The following SULT4A1 variants were observed in gnomAD, a reference collection of about 807,000 sequenced individuals.
The protein encoded by SULT4A1 is sulfotransferase 4A1.
SULT4A1 carries 11 observed loss-of-function variants against 35.2 expected under a neutral mutation model. That is an observed-to-expected ratio of 0.31 (90% CI 0.20 to 0.52). The LOEUF (loss-of-function observed/expected upper bound fraction) is 0.52, where lower values mean the gene tolerates loss of function less well. Ranked by LOEUF, SULT4A1 falls within the 20% of genes least tolerant of loss-of-function variation. SULT4A1 has a pLI of 0.97. For missense variants in SULT4A1, 271 were observed against 383.7 expected (o/e 0.71, Z 2.45); for synonymous variants, 152 against 151.8 (o/e 1.00, Z -0.01).
In SULT4A1 at chr22:43,828,954, G is replaced by A. The variant is rs148379838; in HGVS notation, c.742+106C>T. ...CCAGCTACAGACTGCTGTAAAAGGA[G>A]AGCAGGGAGGGCAACAGGGACCGGA... is the stretch of plus-strand genomic sequence containing the variant. On this transcript the variant is annotated intron_variant, in intron 6 of 6. Coordinates refer to ENST00000330884, the MANE Select transcript of SULT4A1 (RefSeq NM_014351.4). 239 of 1,275,232 alleles carry A rather than the reference G, an allele frequency of 1.9e-4. 2 individuals carry two copies. In the East Asian group the frequency reaches 5.8e-3, roughly 31 times the overall value. The allele number at this position is 1,275,232 out of a possible 1,614,324, so 79.0% of individuals were successfully genotyped here. A position where few individuals can be genotyped will look rare whatever the true frequency, so the allele number is the denominator to read the frequency against.
rs371696274 is a variant in SULT4A1, at chr22:43,829,121, C to T, written c.681G>A (p.Thr227=). The T allele has an allele frequency of 2.3e-5, 36 of 1,557,026 alleles. No homozygotes were observed. In the Middle Eastern group the frequency reaches 1.5e-3, roughly 65 times the overall value. The change falls in exon 6 of 7, where the codon ACG becomes ACA. Residue 227 remains threonine, a synonymous_variant. Coordinates refer to ENST00000330884, the MANE Select transcript of SULT4A1 (RefSeq NM_014351.4). ...SCDKAQLEAL[T]EHCHQLVDQC... ...GGTCCACCAGCTGGTGGCAGTGCTC[C>T]GTCAGGGCTTCCAGCTGGGCCTTGT...
intron 6 of SULT4A1, chr22:43,827,496 G>C (rs954866362): frequency 3.8e-6 from 5 of 1,322,952 alleles, no homozygotes; most frequent in Non-Finnish European, 3.0e-6. Context: ...CTGAGAGCTC[G>C]TCAGAGGAGT....
At chr22:43,840,083 G>C in intron 2 of SULT4A1, 58 bp from the exon 3 acceptor site, 20 of 1,390,586 alleles carry the variant, frequency 1.4e-5, no homozygotes, top group Non-Finnish European at 2.0e-5. Flanking sequence ...AAGGGGAGGA[G>C]TGGGGCCAAG....
rs750998124 is a variant in SULT4A1 at position 43,862,384 on chromosome 22, C to CCGCCGCCGTCGCCGT, written c.-17_-3dup. The CCGCCGCCGTCGCCGT allele has an allele frequency of 1.5e-6, 2 of 1,316,706 alleles. No homozygotes were observed. Among genetic ancestry groups the CCGCCGCCGTCGCCGT allele is most frequent in the African/African-American group, 1.5e-5 (1 of 65,468 alleles). The allele number at this position is 1,316,706 out of a possible 1,614,324, so 81.6% of individuals were successfully genotyped here. On this transcript the variant is annotated 5_prime_UTR_variant, in exon 1 of 7. Transcript: ENST00000330884. ...GGTCTCGGCCTCGCTCTCCGCCATG[C>CCGCCGCCGTCGCCGT]CGCCGCCGTCGCCGTCGCCGCCGCC...
chr22:43,862,425 G>C lies in SULT4A1; in HGVS notation c.-43C>G. The stretch of plus-strand genomic sequence containing the variant: ...CGCCGCCGCCGCCTCCCGGCTCGCA[G>C]CCCGCACGCGCCCGCGCCCGCGCCC... On this transcript the variant is annotated 5_prime_UTR_variant, in exon 1 of 7. Coordinates refer to ENST00000330884, the MANE Select transcript of SULT4A1 (RefSeq NM_014351.4). 1.1e-6 allele frequency: 1 copy of C among 940,706 alleles called. No individual in the cohort carries two copies. Among genetic ancestry groups the C allele is most frequent in the East Asian group, 1.7e-4 (1 of 5,812 alleles). The allele number at this position is 940,706 out of a possible 1,614,324, so 58.3% of individuals were successfully genotyped here. A position where few individuals can be genotyped will look rare whatever the true frequency, so the allele number is the denominator to read the frequency against.
At chr22:43,833,332 T>A (rs533665202) in intron 5 of SULT4A1, among the ~76,000 whole-genome samples, 1 of 152,092 alleles carries the variant, frequency 6.6e-6, no homozygotes, top group East Asian at 1.9e-4. Context: ...CAACGTCCCA[T>A]CAACCACCAC....
At chr22:43,854,970 C>T (rs1344366243) in intron 1 of SULT4A1, among the ~76,000 whole-genome samples, 1 of 152,214 alleles carries the variant, frequency 6.6e-6, no homozygotes, top group Non-Finnish European at 1.5e-5. Flanking sequence ...GAAACCAGCT[C>T]GGCTGCCTCC....
chr22:43,833,529 C>T (rs1603404612), intron 5 of SULT4A1, 111 bp downstream of exon 5: 1 of 818,384 alleles, frequency 1.2e-6, no homozygotes, highest in East Asian at 2.7e-5. Flanking sequence ...TCTGTCCCTC[C>T]TCAGACCCCT....
chr22:43,862,440 C>CGCCCGT lies in SULT4A1; in HGVS notation c.-59_-58insACGGGC. ...CCGGCTCGCAGCCCGCACGCGCCCG[C>CGCCCGT]GCCCGCGCCCGCGCCCGCGCCCCGC... is the stretch of plus-strand genomic sequence containing the variant. On this transcript the variant is annotated 5_prime_UTR_variant, in exon 1 of 7. Coordinates refer to ENST00000330884, the MANE Select transcript of SULT4A1 (RefSeq NM_014351.4). 1.1e-6 allele frequency: 1 copy of CGCCCGT among 944,016 alleles called. No individual in the cohort carries two copies. The highest frequency in any genetic ancestry group is 1.3e-6 in the Non-Finnish European group (1 of 799,962). The allele number at this position is 944,016 out of a possible 1,614,324, so 58.5% of individuals were successfully genotyped here. A position where few individuals can be genotyped will look rare whatever the true frequency, so the allele number is the denominator to read the frequency against.
intron 5 of SULT4A1, among the ~76,000 whole-genome samples, chr22:43,830,659 C>A (rs1004517199): frequency 9.9e-5 from 15 of 152,242 alleles, no homozygotes; most frequent in African/African-American, 3.1e-4. Context: ...GCAGTCAGGG[C>A]ACCCCGTGAC....
rs970232682 is a variant in SULT4A1 at position 43,826,602 on chromosome 22, T to C, written c.743-489A>G. 1.9e-5 allele frequency: 19 copies of C among 985,260 alleles called. No homozygotes were observed. In the African/African-American group the frequency reaches 2.3e-4, roughly 12 times the overall value. The allele number at this position is 985,260 out of a possible 1,614,324, so 61.0% of individuals were successfully genotyped here. A position where few individuals can be genotyped will look rare whatever the true frequency, so the allele number is the denominator to read the frequency against. On this transcript the variant is annotated intron_variant, in intron 6 of 6. Transcript: ENST00000330884. ...GCTCAACAGTGCCACCAAGGCGTCA[T>C]TGGCTTCGGGAGAATTTGAAAAGGA...
In SULT4A1 at chr22:43,825,729, T is replaced by C. The variant is rs2063282311; in HGVS notation, c.*272A>G. ...AGGCAGACATTCTAGTTGCATATAT[T>C]ACAGGCTTTATCCTTACGGTCCAGG... On this transcript the variant is annotated 3_prime_UTR_variant, in exon 7 of 7. Transcript: ENST00000330884. The C allele has an allele frequency of 3.3e-6, 1 of 302,336 alleles. No homozygotes were observed. The highest frequency in any genetic ancestry group is 6.9e-5 in the South Asian group (1 of 14,484). The allele number at this position is 302,336 out of a possible 1,614,324, so 18.7% of individuals were successfully genotyped here. A position where few individuals can be genotyped will look rare whatever the true frequency, so the allele number is the denominator to read the frequency against.
At chr22:43,858,428 CCAGGT>C (rs2049428013) in intron 1 of SULT4A1, among the ~76,000 whole-genome samples, 1 of 152,072 alleles carries the variant, frequency 6.6e-6, no homozygotes, top group Non-Finnish European at 1.5e-5. Context: ...AGCCCCTTCC[CCAGGT>C]CAAGCCTCCT....
intron 1 of SULT4A1, among the ~76,000 whole-genome samples, chr22:43,851,164 C>T (rs1283438602): frequency 6.6e-6 from 1 of 152,158 alleles, no homozygotes; most frequent in Non-Finnish European, 1.5e-5. Context: ...AACCTCACAA[C>T]TGTGCAATTA....
chr22:43,833,614 A>T, intron 5 of SULT4A1, 26 bp downstream of exon 5: 1 of 1,576,124 alleles, frequency 6.3e-7, no homozygotes, highest in Non-Finnish European at 8.6e-7. Context: ...GGGCACCCGG[A>T]GGACAGCTGC....
intron 4 of SULT4A1, among the ~76,000 whole-genome samples, chr22:43,836,613 C>G (rs2019162): frequency 4.8e-5 from 4 of 83,582 alleles, no homozygotes; most frequent in Admixed American, 1.0e-4. Context: ...ACAGCGTCCT[C>G]ACACTGCAGG....
chr22:43,830,152 G>A (rs2063315579), intron 5 of SULT4A1, among the ~76,000 whole-genome samples: 1 of 152,184 alleles, frequency 6.6e-6, no homozygotes, highest in South Asian at 2.1e-4. Context: ...CGGGCGCAGG[G>A]CTTGACTCAA....
chr22:43,841,981 C>T (rs960259188), intron 1 of SULT4A1, 49 bp from the exon 2 acceptor site: 5 of 1,584,176 alleles, frequency 3.2e-6, no homozygotes, highest in Middle Eastern at 1.8e-4. Flanking sequence ...GGCCCACGCG[C>T]CCGGCCCTGT....
At chr22:43,855,637 G>A (rs965063568) in intron 1 of SULT4A1, among the ~76,000 whole-genome samples, 4 of 152,076 alleles carry the variant, frequency 2.6e-5, no homozygotes, top group African/African-American at 4.8e-5. Flanking sequence ...CCCACGCTAG[G>A]AGCCCGCTCC....
Sources: gnomAD v4.1 joint callset for allele counts (sites outside exome capture counted in the v4.1 genomes callset) on GRCh38, gnomAD v4.1.1 for gene constraint, MANE v1.5 for transcripts, NCBI Gene and HGNC (gene_info 2026-07-23, HGNC 2026-07-21) for gene names.